RPN2: variants seen among roughly 807,000 people sequenced by gnomAD.
The protein encoded by RPN2 is dolichyl-diphosphooligosaccharide--protein glycosyltransferase subunit 2.
A neutral mutation model predicts 71.4 loss-of-function variants in RPN2; 29 were observed. The ratio of observed to expected loss-of-function variants is 0.41; its 90% CI spans 0.30 to 0.55. The LOEUF is 0.55. RPN2 is among the 20% of genes least tolerant of loss of function. RPN2 has a pLI of 0.35. For missense variants in RPN2, 726 were observed against 774.1 expected (o/e 0.94, Z 0.74); for synonymous variants, 308 against 305.0 (o/e 1.01, Z -0.10).
At chr20:37,198,341 T>G in intron 2 of RPN2, 56 bp from the exon 3 acceptor site, 22 of 1,613,958 alleles carry the variant, frequency 1.4e-5, no homozygotes, top group Non-Finnish European at 1.8e-5. Flanking sequence ...CGCCTTTGCT[T>G]TTCCTGGTTC....
At chr20:37,211,103 C>T (rs1475907487) in intron 8 of RPN2, among the ~76,000 whole-genome samples, 4 of 151,264 alleles carry the variant, frequency 2.6e-5, no homozygotes, top group African/African-American at 9.7e-5. Flanking sequence ...GGTGTGATCT[C>T]GGCTCACTGC....
chr20:37,182,680 C>G (rs1260911114), intron 1 of RPN2, among the ~76,000 whole-genome samples: 2 of 152,182 alleles, frequency 1.3e-5, no homozygotes, highest in Non-Finnish European at 2.9e-5. Flanking sequence ...CAGAAGTGAG[C>G]CAGTGCCGCT....
At chr20:37,220,923 C>A (rs2067938904) in intron 9 of RPN2, among the ~76,000 whole-genome samples, 1 of 152,164 alleles carries the variant, frequency 6.6e-6, no homozygotes, top group African/African-American at 2.4e-5. Context: ...ACAATGAAAG[C>A]TGTAACTTAG....
chr20:37,204,992 A>G, intron 6 of RPN2, 91 bp downstream of exon 6: 3 of 1,579,848 alleles, frequency 1.9e-6, no homozygotes, highest in Non-Finnish European at 2.6e-6. Context: ...GAATGTTCAG[A>G]CAGTACCTTG....
intron 1 of RPN2, among the ~76,000 whole-genome samples, chr20:37,181,984 C>T (rs1234600761): frequency 6.6e-6 from 1 of 152,048 alleles, no homozygotes; most frequent in African/African-American, 2.4e-5. Flanking sequence ...TCTTTTGTTT[C>T]CTGCTGTATT....
intron 7 of RPN2, among the ~76,000 whole-genome samples, chr20:37,208,267 T>TAAAAAAA (rs33943502): frequency 3.5e-5 from 5 of 141,540 alleles, no homozygotes; most frequent in African/African-American, 1.0e-4. Flanking sequence ...AGACCCTGTC[T>TAAAAAAA]AAAAAAAAAA....
chr20:37,232,828 A>G (rs1392880094), intron 14 of RPN2, among the ~76,000 whole-genome samples: 1 of 152,214 alleles, frequency 6.6e-6, no homozygotes, highest in Non-Finnish European at 1.5e-5. Flanking sequence ...GAATGGATAG[A>G]TTTATATGCT....
chr20:37,229,179 C>A (rs1043947887), intron 12 of RPN2, among the ~76,000 whole-genome samples: 1 of 152,210 alleles, frequency 6.6e-6, no homozygotes, highest in Non-Finnish European at 1.5e-5. Flanking sequence ...GTACAATGTG[C>A]AAAATGCTAA....
chr20:37,181,642 C>T (rs1235073590), intron 1 of RPN2, among the ~76,000 whole-genome samples: 4 of 152,160 alleles, frequency 2.6e-5, no homozygotes, highest in Non-Finnish European at 4.4e-5. Context: ...TTGTCTTGAA[C>T]TCCCGACCTC....
intron 9 of RPN2, among the ~76,000 whole-genome samples, chr20:37,217,304 T>A (rs13045170): frequency 6.9e-6 from 1 of 144,058 alleles, no homozygotes; most frequent in African/African-American, 2.5e-5. Flanking sequence ...TATTATTCTT[T>A]TTTTTTTGAA....
chr20:37,205,027 G>A, intron 6 of RPN2, 126 bp downstream of exon 6: 1 of 1,370,784 alleles, frequency 7.3e-7, no homozygotes, highest in East Asian at 2.3e-5. Flanking sequence ...AGTGTCCTGG[G>A]TTAGGGATTA....
At chr20:37,210,761 A>T (rs1284738039) in intron 8 of RPN2, among the ~76,000 whole-genome samples, 3 of 152,028 alleles carry the variant, frequency 2.0e-5, no homozygotes, top group Non-Finnish European at 4.4e-5. Flanking sequence ...CGAACTCCTG[A>T]CCTCAGGTGG....
chr20:37,189,319 GTGTA>G (rs750831740), intron 2 of RPN2, among the ~76,000 whole-genome samples: 7,179 of 36,450 alleles, frequency 0.2, 231 homozygotes, highest in Middle Eastern at 0.37. Context: ...AACTGTGTGT[GTGTA>G]TGTGTGTGTG....
At chr20:37,202,069 C>T (rs1235120551) in intron 4 of RPN2, among the ~76,000 whole-genome samples, 1 of 152,214 alleles carries the variant, frequency 6.6e-6, no homozygotes, top group African/African-American at 2.4e-5. Flanking sequence ...CTTTCTAAAA[C>T]TCAGTGGATT....
intron 8 of RPN2, among the ~76,000 whole-genome samples, chr20:37,210,632 G>T (rs1490584364): frequency 6.6e-6 from 1 of 150,958 alleles, no homozygotes; most frequent in Non-Finnish European, 1.5e-5. Context: ...CTGGATTCTA[G>T]CGATTCTCCT....
intron 7 of RPN2, among the ~76,000 whole-genome samples, chr20:37,207,813 C>G (rs960144097): frequency 3.3e-5 from 5 of 152,120 alleles, no homozygotes; most frequent in Admixed American, 1.3e-4. Context: ...TCCCAAGTAG[C>G]TGGGATCACA....
intron 10 of RPN2, among the ~76,000 whole-genome samples, chr20:37,224,455 G>T (rs1046621687): frequency 6.6e-6 from 1 of 152,104 alleles, no homozygotes; most frequent in Non-Finnish European, 1.5e-5. Context: ...AGCCTCACAC[G>T]TGCTTAAAAT....
intron 2 of RPN2, among the ~76,000 whole-genome samples, chr20:37,186,744 G>A (rs2067018114): frequency 6.6e-6 from 1 of 152,052 alleles, no homozygotes; most frequent in African/African-American, 2.4e-5. Context: ...ATTTTTTGCT[G>A]GTATCTCTTA....
chr20:37,195,048 G>A (rs2067224435), intron 2 of RPN2, among the ~76,000 whole-genome samples: 1 of 152,130 alleles, frequency 6.6e-6, no homozygotes, highest in African/African-American at 2.4e-5. Context: ...GAGGGTGTTT[G>A]ATTAATTGGG....
Sources: gnomAD v4.1 joint callset for allele counts (sites outside exome capture counted in the v4.1 genomes callset) on GRCh38, gnomAD v4.1.1 for gene constraint, MANE v1.5 for transcripts, NCBI Gene and HGNC (gene_info 2026-07-23, HGNC 2026-07-21) for gene names.